The following WDFY4 variants were observed in gnomAD, a reference collection of about 807,000 sequenced individuals.
WDFY4 encodes the protein WDFY family member 4.
WDFY4 carries 169 observed loss-of-function variants against 351.9 expected under a neutral mutation model. That is an observed-to-expected ratio of 0.48 (90% CI 0.42 to 0.55). The LOEUF is 0.55. Among genes scored for constraint, WDFY4 ranks in the 20% least tolerant of loss-of-function variants. WDFY4 has a pLI of 0.00. For missense variants in WDFY4, 3,803 were observed against 3,935.6 expected (o/e 0.97, Z 0.90); for synonymous variants, 1,622 against 1,574.6 (o/e 1.03, Z -0.71).
At chr10:48,804,681 C>G in intron 25 of WDFY4, 1 of 978,916 alleles carries the variant, frequency 1.0e-6, no homozygotes, top group Non-Finnish European at 1.2e-6. Context: ...TGTACCTGTA[C>G]CAGTTGTTTT....
chr10:48,813,430 T>A (rs2067522783), intron 30 of WDFY4, among the ~76,000 whole-genome samples: 1 of 152,204 alleles, frequency 6.6e-6, no homozygotes, highest in Non-Finnish European at 1.5e-5. Context: ...GTTTTACATA[T>A]TTTATTTTGC....
intron 47 of WDFY4, among the ~76,000 whole-genome samples, chr10:48,934,711 G>A (rs1013446785): frequency 6.6e-6 from 1 of 152,188 alleles, no homozygotes; most frequent in Non-Finnish European, 1.5e-5. Flanking sequence ...TGTTCTGCTG[G>A]GCTGGACCCT....
At chr10:48,887,124 C>G (rs1194944501) in intron 43 of WDFY4, among the ~76,000 whole-genome samples, 1 of 152,254 alleles carries the variant, frequency 6.6e-6, no homozygotes. Context: ...CTGGTTGATA[C>G]TTAAGTCTTC....
chr10:48,855,125 T>G (rs1245944265), intron 39 of WDFY4, among the ~76,000 whole-genome samples: 1 of 152,212 alleles, frequency 6.6e-6, no homozygotes, highest in Non-Finnish European at 1.5e-5. Flanking sequence ...TAACTGGGTT[T>G]TTAAAATGAT....
At chr10:48,926,881 T>C (rs1355964788) in intron 47 of WDFY4, among the ~76,000 whole-genome samples, 5 of 152,172 alleles carry the variant, frequency 3.3e-5, no homozygotes, top group African/African-American at 7.2e-5. Flanking sequence ...CAGGAACTCG[T>C]TGTTTCTCAG....
intron 31 of WDFY4, among the ~76,000 whole-genome samples, chr10:48,814,497 G>A (rs955800787): frequency 2.0e-5 from 3 of 152,196 alleles, no homozygotes; most frequent in Admixed American, 1.3e-4. Flanking sequence ...GGAGTCTTCG[G>A]GAGTGAGAAG....
chr10:48,867,663 G>T (rs1193000275), intron 40 of WDFY4, among the ~76,000 whole-genome samples: 1 of 152,206 alleles, frequency 6.6e-6, no homozygotes, highest in Non-Finnish European at 1.5e-5. Context: ...TCATCTCTAA[G>T]CTGGAATAAG....
At chr10:48,845,782 A>C (rs1439937693) in intron 39 of WDFY4, among the ~76,000 whole-genome samples, 2 of 151,992 alleles carry the variant, frequency 1.3e-5, no homozygotes, top group African/African-American at 2.4e-5. Context: ...GAAAATGATC[A>C]TAGAAGAAAG....
chr10:48,810,867 C>G (rs1565225524), intron 29 of WDFY4, 132 bp downstream of exon 29: 1 of 937,286 alleles, frequency 1.1e-6, no homozygotes, highest in Non-Finnish European at 1.5e-6. Flanking sequence ...GCCCTGACTC[C>G]AAGGCCTACA....
At chr10:48,915,796 G>A (rs1358148012) in intron 47 of WDFY4, among the ~76,000 whole-genome samples, 1 of 152,142 alleles carries the variant, frequency 6.6e-6, no homozygotes, top group Non-Finnish European at 1.5e-5. Context: ...ACCAATGACA[G>A]TTCTTAGCTC....
intron 46 of WDFY4, 150 bp from the exon 47 acceptor site, chr10:48,901,651 C>A (rs1837357933): frequency 5.3e-6 from 4 of 754,474 alleles, no homozygotes; most frequent in African/African-American, 1.7e-5. Context: ...CAGAGGTACA[C>A]CCAGGCCTGG....
intron 44 of WDFY4, among the ~76,000 whole-genome samples, chr10:48,894,155 G>A (rs796772320): frequency 2.0e-5 from 3 of 152,176 alleles, no homozygotes; most frequent in African/African-American, 7.2e-5. Context: ...TCTTTCTGAG[G>A]ATCCATCCTC....
chr10:48,824,650 T>G (rs1047177851), intron 35 of WDFY4, among the ~76,000 whole-genome samples: 2 of 151,944 alleles, frequency 1.3e-5, no homozygotes, highest in Non-Finnish European at 2.9e-5. Context: ...AATTTTTTTT[T>G]AAAAGACAAA....
chr10:48,786,615 C>A, intron 19 of WDFY4, 24 bp from the exon 20 acceptor site: 1 of 1,533,548 alleles, frequency 6.5e-7, no homozygotes, highest in Non-Finnish European at 8.8e-7. Flanking sequence ...ACACTACTCA[C>A]TCTTGTCCTT....
At position 48,830,816 on chromosome 10, in the gene WDFY4, G is replaced by A. The variant is rs1472949534; in HGVS notation, c.6457G>A (p.Glu2153Lys). 3 of 1,551,712 alleles carry A rather than the reference G, an allele frequency of 1.9e-6. No homozygotes were observed. The highest frequency in any genetic ancestry group is 2.6e-6 in the Non-Finnish European group (3 of 1,146,982). The change falls in exon 38 of 62, where the codon GAA (glutamate) becomes AAA (lysine). Residue 2153 changes from glutamate to lysine, a missense_variant. Glu to Lys is a moderately conservative substitution (Grantham distance 56). Around this residue, in one of 3 missense-constraint regions of WDFY4, gnomAD observed 3,054 missense variants for 3,148.6 expected, o/e 0.97. Coordinates refer to ENST00000325239, the MANE Select transcript of WDFY4 (RefSeq NM_001394531.1). ...IDLSVKPGER[E>K]VKIEEVTPLW... ...TCTCTCTGTGAAACCTGGAGAGAGG[G>A]AAGTGAAGATTGAAGAGGTCACACC...
intron 2 of WDFY4, among the ~76,000 whole-genome samples, chr10:48,710,472 G>A (rs2063741132): frequency 6.6e-6 from 1 of 152,186 alleles, no homozygotes; most frequent in Non-Finnish European, 1.5e-5. Flanking sequence ...CATTTCTAGG[G>A]TAGGGAGGGA....
chr10:48,840,958 A>G (rs149631935), intron 39 of WDFY4, among the ~76,000 whole-genome samples: 27 of 152,378 alleles, frequency 1.8e-4, no homozygotes, highest in African/African-American at 6.3e-4. Flanking sequence ...ATCACTAATT[A>G]TCTAATTAAG....
At chr10:48,977,096 G>A in intron 59 of WDFY4, 117 bp downstream of exon 59, 1 of 1,037,866 alleles carries the variant, frequency 9.6e-7, no homozygotes, top group South Asian at 3.8e-5. Context: ...TTCCAGAACG[G>A]GTACCTACAG....
chr10:48,872,001 CTAT>C (rs2069801938), intron 40 of WDFY4, among the ~76,000 whole-genome samples: 1 of 152,126 alleles, frequency 6.6e-6, no homozygotes, highest in Non-Finnish European at 1.5e-5. Flanking sequence ...TATTATGGTA[CTAT>C]TATTAACCAC....
Sources: gnomAD v4.1 joint callset for allele counts (sites outside exome capture counted in the v4.1 genomes callset) on GRCh38, gnomAD v4.1.1 for gene constraint, gnomAD v4.1.1 regional missense constraint, MANE v1.5 for transcripts, NCBI Gene and HGNC (gene_info 2026-07-23, HGNC 2026-07-21) for gene names.